The following PXK variants were observed in gnomAD, a reference collection of about 807,000 sequenced individuals.
The protein encoded by PXK is PX domain containing serine/threonine kinase like.
Under a neutral mutation model 84.7 loss-of-function variants are expected in PXK, and 35 were observed. That is an observed-to-expected ratio of 0.41 (90% CI 0.32 to 0.55). The LOEUF (loss-of-function observed/expected upper bound fraction) is 0.55. PXK is among the 20% of genes least tolerant of loss of function. The probability of loss-of-function intolerance (pLI) is 0.21; values close to 1 mark genes in which losing one functional copy is unlikely to be tolerated. For missense variants in PXK, 634 were observed against 699.7 expected, an observed-to-expected ratio of 0.91 and a Z score of 1.06; for synonymous variants, 253 against 260.8, an observed-to-expected ratio of 0.97 and a Z score of 0.29.
chr3:58,405,842 AGGGAAAGCT>A (rs2059317643), intron 13 of PXK, among the ~76,000 whole-genome samples: 1 of 152,206 alleles, frequency 6.6e-6, no homozygotes, highest in East Asian at 1.9e-4. Flanking sequence ...GTCTCCCAAC[AGGGAAAGCT>A]GGGAAAGTTT....
At chr3:58,348,256 A>C (rs902948148) in intron 1 of PXK, among the ~76,000 whole-genome samples, 16 of 152,180 alleles carry the variant, frequency 1.1e-4, no homozygotes, top group Non-Finnish European at 2.1e-4. Flanking sequence ...AGCCATCCCT[A>C]AGCTGATCTG....
At chr3:58,424,225 T>C (rs904109876) in intron 17 of PXK, among the ~76,000 whole-genome samples, 3 of 152,254 alleles carry the variant, frequency 2.0e-5, no homozygotes, top group Non-Finnish European at 1.5e-5. Flanking sequence ...CTGAGAATCC[T>C]GAGTGGTCTG....
chr3:58,367,756 C>CA (rs1366711073), intron 2 of PXK, among the ~76,000 whole-genome samples: 24 of 152,144 alleles, frequency 1.6e-4, no homozygotes, highest in Admixed American at 1.5e-3. Flanking sequence ...GATCACAGCT[C>CA]ACTTCAGCCT....
chr3:58,399,407 C>G lies in PXK; in HGVS notation c.1181+30C>G. 6.3e-7 allele frequency: 1 copy of G among 1,584,132 alleles called. No homozygotes were observed. Among genetic ancestry groups the G allele is most frequent in the Non-Finnish European group, 8.7e-7 (1 of 1,153,410 alleles). ...GTCAATCATATGCGTTGGTTGTAAT[C>G]TTGATAACTATGTTGAACACCAGAC... On this transcript the variant is annotated intron_variant, in intron 12 of 17. Transcript: ENST00000356151. The surrounding 1 kb of genome is among the most constrained non-coding windows in gnomAD (Gnocchi z 4.3).
At chr3:58,366,802 G>A (rs897181952) in intron 2 of PXK, among the ~76,000 whole-genome samples, 3 of 152,156 alleles carry the variant, frequency 2.0e-5, no homozygotes, top group Non-Finnish European at 1.5e-5. Flanking sequence ...GTCCTATGTG[G>A]TAGTATTGTC....
chr3:58,364,989 TTTCTC>T lies in PXK; in HGVS notation c.103-883_103-879del, dbSNP rs1175599648. On this transcript the variant is annotated intron_variant, in intron 1 of 17. Coordinates refer to ENST00000356151, the MANE Select transcript of PXK (RefSeq NM_017771.5). The surrounding 1 kb of genome is among the most constrained non-coding windows in gnomAD (Gnocchi z 4.3). The stretch of plus-strand genomic sequence containing the variant: ...ATAATCAGCTTTTTATTTCTTGACT[TTTCTC>T]TATTTCTTTGTTTTCAATTTTATTG... 6.6e-6 allele frequency among the ~76,000 whole-genome samples: 1 copy of T among 152,038 alleles called. No individual in the cohort carries two copies. Among genetic ancestry groups the T allele is most frequent in the Middle Eastern group, 3.2e-3 (1 of 316 alleles).
chr3:58,362,144 T>A (rs1448520761), intron 1 of PXK, among the ~76,000 whole-genome samples: 1 of 152,228 alleles, frequency 6.6e-6, no homozygotes, highest in Non-Finnish European at 1.5e-5. Flanking sequence ...TGTATTCTTA[T>A]TATTTGCCCA....
intron 3 of PXK, among the ~76,000 whole-genome samples, chr3:58,381,874 G>A (rs1352475686): frequency 2.6e-5 from 4 of 152,142 alleles, no homozygotes; most frequent in African/African-American, 7.2e-5. Context: ...TCTTAGGGGA[G>A]CAGAGAATGG....
intron 1 of PXK, among the ~76,000 whole-genome samples, chr3:58,342,634 CAA>C (rs71091369): frequency 9.7e-5 from 11 of 113,466 alleles, no homozygotes; most frequent in African/African-American, 1.3e-4. Flanking sequence ...GACTCTGTCT[CAA>C]AAAAAAAAAA....
intron 17 of PXK, among the ~76,000 whole-genome samples, chr3:58,424,036 C>T (rs12485999): frequency 0.74 from 112,003 of 152,042 alleles, 41,768 homozygotes; most frequent in South Asian, 0.81. Flanking sequence ...ATGGAGAGAA[C>T]AGTACTTGAG....
chr3:58,382,492 CT>C (rs10662181), intron 3 of PXK, 21 bp from the exon 4 acceptor site: 42,277 of 1,256,478 alleles, frequency 0.034, 27 homozygotes, highest in African/African-American at 0.061. Flanking sequence ...ATGAGTGTAA[CT>C]TTTTTTTTTT....
intron 3 of PXK, among the ~76,000 whole-genome samples, chr3:58,378,637 C>A (rs1030960027): frequency 6.7e-6 from 1 of 149,894 alleles, no homozygotes; most frequent in Non-Finnish European, 1.5e-5. Context: ...CAGGTTCAAG[C>A]GATTCTCCTG....
intron 13 of PXK, among the ~76,000 whole-genome samples, chr3:58,406,246 A>G (rs2059387900): frequency 6.6e-6 from 1 of 151,948 alleles, no homozygotes. Flanking sequence ...GGTGTGAGCC[A>G]CTGCACCCGG....
intron 7 of PXK, among the ~76,000 whole-genome samples, chr3:58,393,650 GAAAA>G: frequency 6.6e-6 from 1 of 151,736 alleles, no homozygotes; most frequent in South Asian, 2.1e-4. Context: ...TTTTAAAAAA[GAAAA>G]AAGCCATAAT....
chr3:58,336,063 ATATATATATTTTTTTTT>A (rs1250297332), intron 1 of PXK, among the ~76,000 whole-genome samples: 1 of 58,124 alleles, frequency 1.7e-5, no homozygotes, highest in Non-Finnish European at 2.9e-5. Flanking sequence ...ATATATATAT[ATATATATATTTTTTTTT>A]TTTTTTTTTA....
rs529519053 is a variant in PXK at position 58,397,883 on chromosome 3, A to C, written c.1102+161A>C. On this transcript the variant is annotated intron_variant, in intron 11 of 17. Transcript: ENST00000356151. This position sits in a 1 kb window ranked among gnomAD's most constrained non-coding sequence, Gnocchi z 4.7. Reference sequence around the variant, plus strand: ...AGACCAAATTTGAGTAGTTTACTTAAATACACTTCTGTGAAAATTCAGGTG... The same window carrying C: ...AGACCAAATTTGAGTAGTTTACTTACATACACTTCTGTGAAAATTCAGGTG... Among the ~76,000 whole-genome samples the C allele has an allele frequency of 1.3e-5, 2 of 152,350 alleles. No individual in the cohort carries two copies. Among genetic ancestry groups the C allele is most frequent in the South Asian group, 4.1e-4 (2 of 4,832 alleles).
chr3:58,421,287 CGGT>C lies in PXK; in HGVS notation c.1529-3462_1529-3460del. 1.0e-6 allele frequency: 1 copy of C among 985,214 alleles called. No individual in the cohort carries two copies. Among genetic ancestry groups the C allele is most frequent in the Non-Finnish European group, 1.2e-6 (1 of 829,884 alleles). The allele number at this position is 985,214 out of a possible 1,614,324, so 61.0% of individuals were successfully genotyped here. ...TGGCTGCTAACATGGGCCTAAGAGT[CGGT>C]GGGGAAGGGAGCCAGGCGCAGTGGC... On this transcript the variant is annotated intron_variant, in intron 17 of 17. Coordinates refer to ENST00000356151, the MANE Select transcript of PXK (RefSeq NM_017771.5). This position sits in a 1 kb window ranked among gnomAD's most constrained non-coding sequence, Gnocchi z 5.5.
chr3:58,355,023 G>T (rs1447347026), intron 1 of PXK, among the ~76,000 whole-genome samples: 1 of 151,900 alleles, frequency 6.6e-6, no homozygotes, highest in Admixed American at 6.6e-5. Context: ...GGAGGCTGAG[G>T]TACGAGAATC....
At chr3:58,354,906 G>A (rs1575878553) in intron 1 of PXK, among the ~76,000 whole-genome samples, 1 of 152,036 alleles carries the variant, frequency 6.6e-6, no homozygotes, top group African/African-American at 2.4e-5. Context: ...ATCACCTGAG[G>A]TCAGGAGTTC....
Sources: gnomAD v4.1 joint callset for allele counts (sites outside exome capture counted in the v4.1 genomes callset) on GRCh38, gnomAD v4.1.1 for gene constraint, Gnocchi (gnomAD v3.1) non-coding constraint, MANE v1.5 for transcripts, NCBI Gene and HGNC (gene_info 2026-07-23, HGNC 2026-07-21) for gene names.